WDR17: variants seen among roughly 807,000 people sequenced by gnomAD.
WDR17 encodes the protein WD repeat domain 17.
In WDR17, 143 loss-of-function variants were observed where a neutral mutation model predicts 161.7. That is an observed-to-expected ratio of 0.88 (90% CI 0.77 to 1.02). WDR17 has a LOEUF of 1.02. Among genes scored for constraint, WDR17 ranks in the 50% least tolerant of loss-of-function variants. WDR17 has a pLI of 0.00. For missense variants in WDR17, 1,469 were observed against 1,520.9 expected (o/e 0.97, Z 0.57); for synonymous variants, 517 against 515.6 (o/e 1.00, Z -0.04).
At chr4:176,119,665 T>C (rs1042493536) in intron 3 of WDR17, among the ~76,000 whole-genome samples, 1 of 152,242 alleles carries the variant, frequency 6.6e-6, no homozygotes, top group Non-Finnish European at 1.5e-5. Context: ...CCTAACTAGA[T>C]ACATTTTCTT....
intron 18 of WDR17, among the ~76,000 whole-genome samples, chr4:176,157,777 G>A (rs574295707): frequency 9.2e-5 from 14 of 152,048 alleles, no homozygotes; most frequent in African/African-American, 1.4e-4. Context: ...ATGCTACTAC[G>A]TTGCTTTCTA....
rs1732469846 is a variant in WDR17 at position 176,065,970 on chromosome 4, A to AG, written c.-114dup. 6.6e-6 allele frequency: 1 copy of AG among 151,922 alleles called. No homozygotes were observed. The allele number at this position is 151,922 out of a possible 1,614,324, so 9.4% of individuals were successfully genotyped here. The stretch of plus-strand genomic sequence containing the variant: ...CCGCCCCCGGGCGCCCTGAGCGAGC[A>AG]GGCGGGGAGGGCGGGGAGGGTCCGC... On this transcript the variant is annotated 5_prime_UTR_variant, in exon 1 of 29. Transcript: ENST00000508596.
chr4:176,166,825 A>G (rs1452768913), intron 22 of WDR17, among the ~76,000 whole-genome samples: 2 of 152,206 alleles, frequency 1.3e-5, no homozygotes, highest in African/African-American at 4.8e-5. Flanking sequence ...ATGTAATAGA[A>G]AATGTGGCAG....
chr4:176,160,980 A>C lies in WDR17; in HGVS notation c.2728A>C (p.Ile910Leu). The C allele has an allele frequency of 6.2e-7, 1 of 1,609,712 alleles. No homozygotes were observed. The highest frequency in any genetic ancestry group is 8.5e-7 in the Non-Finnish European group (1 of 1,178,048). ...TAAAGGAGCTTCATATTCTGATGAT[A>C]TCTACAAGGAAGACTTTAATGAGTG... is the stretch of plus-strand genomic sequence containing the variant. ...VPKGASYSDD[I>L]YKEDFNELLH... The change falls in exon 20 of 29, where the codon ATC becomes CTC. Residue 910 changes from isoleucine to leucine, a missense_variant. Ile to Leu is a conservative substitution (Grantham distance 5). Transcript: ENST00000508596.
intron 1 of WDR17, among the ~76,000 whole-genome samples, chr4:176,083,511 G>A (rs1010037770): frequency 6.6e-6 from 1 of 152,084 alleles, no homozygotes; most frequent in Non-Finnish European, 1.5e-5. Context: ...AGTTTCATCT[G>A]TAGGGTTGCA....
intron 17 of WDR17, among the ~76,000 whole-genome samples, chr4:176,153,771 C>T (rs1403460427): frequency 6.6e-6 from 1 of 152,144 alleles, no homozygotes; most frequent in Admixed American, 6.5e-5. Flanking sequence ...CACCTTTTTA[C>T]TTTCCATATA....
Position 176,168,792 on chromosome 4 carries a change from A to G in WDR17, c.3102+9A>G. On this transcript the variant is annotated intron_variant, in intron 23 of 28. Coordinates refer to ENST00000508596, the MANE Select transcript of WDR17 (RefSeq NM_181265.4). ...ATGACCTTCATGATAAGGTATGCTG[A>G]TGATGTTAAATATTCTGGTTTGGAA... is the stretch of plus-strand genomic sequence containing the variant. The G allele has an allele frequency of 6.2e-7, 1 of 1,604,136 alleles. No homozygotes were observed. Among genetic ancestry groups the G allele is most frequent in the Non-Finnish European group, 8.5e-7 (1 of 1,176,206 alleles).
At chr4:176,139,456 A>C (rs746884958) in intron 9 of WDR17, among the ~76,000 whole-genome samples, 1 of 151,974 alleles carries the variant, frequency 6.6e-6, no homozygotes, top group Admixed American at 6.6e-5. Context: ...TTTGAAACTT[A>C]GAGAAACAAC....
In WDR17 at chr4:176,131,573, CA is replaced by C; in HGVS notation, c.938del (p.Asn313IlefsTer16). ...RKKFSVQSPT[K>X]NHYTSSTSEA... The stretch of plus-strand genomic sequence containing the variant: ...TTTTAGTTTCAGTCCAATCTCCAAC[CA>C]AAAATCATTATACATCCTCAACAAG... On this transcript the variant is annotated frameshift_variant, in exon 7 of 29. Transcript: ENST00000508596. LOFTEE classifies it high-confidence loss of function. 1.2e-6 allele frequency: 2 copies of C among 1,605,596 alleles called. No individual in the cohort carries two copies. Among genetic ancestry groups the C allele is most frequent in the South Asian group, 1.1e-5 (1 of 89,290 alleles).
chr4:176,154,174 A>AGTT (rs1747685458), intron 17 of WDR17, among the ~76,000 whole-genome samples: 1 of 152,268 alleles, frequency 6.6e-6, no homozygotes, highest in South Asian at 2.1e-4. Flanking sequence ...AAACTGTACA[A>AGTT]GTTGTTAGAA....
At chr4:176,164,071 G>A (rs900638043) in intron 22 of WDR17, among the ~76,000 whole-genome samples, 1 of 152,090 alleles carries the variant, frequency 6.6e-6, no homozygotes, top group African/African-American at 2.4e-5. Flanking sequence ...CTATACAGAT[G>A]ACTATAACTA....
At chr4:176,142,314 G>GA (rs1298244352) in intron 11 of WDR17, among the ~76,000 whole-genome samples, 1 of 151,780 alleles carries the variant, frequency 6.6e-6, no homozygotes, top group Non-Finnish European at 1.5e-5. Context: ...TAATACTTAG[G>GA]AAAAAAAATA....
intron 17 of WDR17, among the ~76,000 whole-genome samples, chr4:176,155,716 A>AAT (rs113370958): frequency 0.23 from 29,911 of 130,068 alleles, 3,457 homozygotes; most frequent in South Asian, 0.27. Context: ...GACTAATTAA[A>AAT]ATATATATAT....
intron 1 of WDR17, among the ~76,000 whole-genome samples, chr4:176,069,551 T>C (rs993594526): frequency 1.3e-5 from 2 of 152,208 alleles, no homozygotes; most frequent in African/African-American, 4.8e-5. Context: ...ATACTTGTTT[T>C]GTACATTCAA....
chr4:176,161,853 C>T (rs1204089947), intron 20 of WDR17, among the ~76,000 whole-genome samples: 1 of 152,170 alleles, frequency 6.6e-6, no homozygotes, highest in Non-Finnish European at 1.5e-5. Context: ...AATCAGGCTT[C>T]TTTTCTGACA....
At chr4:176,133,155 G>A (rs1250516351) in intron 7 of WDR17, among the ~76,000 whole-genome samples, 1 of 135,548 alleles carries the variant, frequency 7.4e-6, no homozygotes, top group African/African-American at 2.8e-5. Context: ...TATACCATTC[G>A]AAGAAAAAAA....
At chr4:176,075,164 GTTT>G (rs573245500) in intron 1 of WDR17, among the ~76,000 whole-genome samples, 1 of 149,466 alleles carries the variant, frequency 6.7e-6, no homozygotes, top group South Asian at 2.1e-4. Flanking sequence ...ATTTTTTCCA[GTTT>G]TTTTCTTTCA....
chr4:176,149,298 C>G (rs1314139688), intron 13 of WDR17, among the ~76,000 whole-genome samples: 3 of 151,854 alleles, frequency 2.0e-5, no homozygotes, highest in African/African-American at 4.8e-5. Context: ...GAGTCTCACT[C>G]TGGCTCTGTT....
Position 176,146,125 on chromosome 4 carries a change from A to T in WDR17, c.1660A>T (p.Arg554Ter). 1 of 1,613,856 alleles carries T rather than the reference A, an allele frequency of 6.2e-7. No individual in the cohort carries two copies. Among genetic ancestry groups the T allele is most frequent in the South Asian group, 1.1e-5 (1 of 90,996 alleles). Residue 554 changes from arginine (R) to a stop codon, truncating the protein, a stop_gained, in exon 12 of 29, where the codon AGA becomes TGA. Transcript: ENST00000508596. LOFTEE classifies it high-confidence loss of function. Reference sequence around the variant, plus strand: ...GTTTCATGTTAAATGGTCTCCTCTGAGAGAGGGAATTCTTTGCAGTGGTTC... The same window carrying T: ...GTTTCATGTTAAATGGTCTCCTCTGTGAGAGGGAATTCTTTGCAGTGGTTC... ...KVFHVKWSPL[R>*]EGILCSGSDD... is the part of the protein sequence containing the mutation.
Sources: allele counts gnomAD v4.1 joint callset (sites outside exome capture counted in the v4.1 genomes callset), GRCh38; gene constraint gnomAD v4.1.1; transcripts MANE v1.5; gene names NCBI Gene and HGNC (gene_info 2026-07-23, HGNC 2026-07-21).